Variants in DMXL1 observed in about 807,000 individuals in gnomAD.
DMXL1 encodes Dmx like 1.
In DMXL1, 99 loss-of-function variants were observed where a neutral mutation model predicts 319.2. The observed-to-expected ratio is 0.31, with a 90% confidence interval of 0.26 to 0.37. DMXL1 has a LOEUF of 0.37. Among genes scored for constraint, DMXL1 ranks in the 10% least tolerant of loss-of-function variants. The pLI, the probability that DMXL1 is intolerant of heterozygous loss-of-function variation, is 1.00. For synonymous variants in DMXL1, 1,385 were observed against 1,235.2 expected (o/e 1.12, Z -2.54); for missense variants, 3,745 against 3,595.6 (o/e 1.04, Z -1.06).
chr5:119,155,146 A>G (rs141439293), intron 19 of DMXL1, among the ~76,000 whole-genome samples: 1 of 152,356 alleles, frequency 6.6e-6, no homozygotes, highest in Non-Finnish European at 1.5e-5. Context: ...GGAGATTAAT[A>G]TAGTTTTTAT....
At chr5:119,135,651 TAGTG>T (rs1765820311) in intron 13 of DMXL1, among the ~76,000 whole-genome samples, 1 of 152,122 alleles carries the variant, frequency 6.6e-6, no homozygotes, top group African/African-American at 2.4e-5. Context: ...GTTCTCATGA[TAGTG>T]AGGGAGTTCT....
chr5:119,171,098 T>G lies in DMXL1; in HGVS notation c.6307T>G (p.Leu2103Val). Residue 2103 changes from leucine to valine, a missense_variant, in exon 24 of 44, where the codon TTG (leucine) becomes GTG (valine). Leu to Val is a conservative substitution (Grantham distance 32, BLOSUM62 1). This residue lies in a region of DMXL1 where 1,382 missense variants were observed against 1,269.5 expected (regional missense o/e 1.09). Coordinates refer to ENST00000539542, the MANE Select transcript of DMXL1 (RefSeq NM_001290321.3). ...EFGLNEDAED[L>V]PHQTKVKQLR... is the part of the protein sequence containing the mutation. ...TGGATTAAATGAGGATGCTGAAGAT[T>G]TGCCTCACCAAACAAAAGTGAAACA... The G allele has an allele frequency of 6.2e-7, 1 of 1,613,848 alleles. No homozygotes were observed. Among genetic ancestry groups the G allele is most frequent in the Non-Finnish European group, 8.5e-7 (1 of 1,179,870 alleles).
At chr5:119,231,918 C>T (rs1786804006) in intron 38 of DMXL1, among the ~76,000 whole-genome samples, 1 of 152,140 alleles carries the variant, frequency 6.6e-6, no homozygotes, top group South Asian at 2.1e-4. Context: ...CTCGTATAGG[C>T]ATGCAAGGCC....
intron 43 of DMXL1, among the ~76,000 whole-genome samples, chr5:119,244,939 A>G (rs1021748726): frequency 1.3e-5 from 2 of 152,176 alleles, no homozygotes; most frequent in Admixed American, 1.3e-4. Flanking sequence ...ATTGCTCGCC[A>G]GTTTTTCATA....
intron 5 of DMXL1, 34 bp from the exon 6 acceptor site, chr5:119,114,441 A>C: frequency 6.9e-7 from 1 of 1,457,644 alleles, no homozygotes; most frequent in South Asian, 1.2e-5. Flanking sequence ...TTTAGTTTTC[A>C]TTGCAAATTA....
At chr5:119,183,452 A>G (rs1777126609) in intron 28 of DMXL1, among the ~76,000 whole-genome samples, 1 of 152,184 alleles carries the variant, frequency 6.6e-6, no homozygotes, top group Admixed American at 6.5e-5. Flanking sequence ...AAAGTAACTA[A>G]TTCTGTGGAA....
chr5:119,150,678 G>T (rs1392973427), intron 18 of DMXL1, among the ~76,000 whole-genome samples: 3 of 151,702 alleles, frequency 2.0e-5, no homozygotes, highest in Non-Finnish European at 1.5e-5. Flanking sequence ...TATAGTCCTA[G>T]CTACTCAGGA....
chr5:119,162,942 A>G (rs1424380170), intron 19 of DMXL1, among the ~76,000 whole-genome samples: 1 of 152,186 alleles, frequency 6.6e-6, no homozygotes, highest in East Asian at 1.9e-4. Context: ...TTAGGTTAAA[A>G]ATTTGAGGCC....
intron 9 of DMXL1, among the ~76,000 whole-genome samples, chr5:119,124,491 A>G (rs1179724556): frequency 6.6e-6 from 1 of 151,598 alleles, no homozygotes; most frequent in East Asian, 1.9e-4. Context: ...AGGTCAGTCT[A>G]TTAAGTAAAA....
chr5:119,139,539 A>C (rs1766810627), intron 13 of DMXL1, among the ~76,000 whole-genome samples: 1 of 152,230 alleles, frequency 6.6e-6, no homozygotes, highest in Non-Finnish European at 1.5e-5. Context: ...AGGGCATTAC[A>C]CAATGGTAAA....
chr5:119,194,157 T>C (rs1244065909), intron 30 of DMXL1, among the ~76,000 whole-genome samples, 187 bp downstream of exon 30: 1 of 152,202 alleles, frequency 6.6e-6, no homozygotes, highest in African/African-American at 2.4e-5. Flanking sequence ...TTATAACACA[T>C]TGTAACTCAG....
At chr5:119,234,386 A>G (rs1561936194) in intron 39 of DMXL1, among the ~76,000 whole-genome samples, 1 of 151,868 alleles carries the variant, frequency 6.6e-6, no homozygotes, top group Non-Finnish European at 1.5e-5. Context: ...ACTCTCACAG[A>G]CTCTAACTGA....
At chr5:119,194,378 G>A (rs937646371) in intron 30 of DMXL1, among the ~76,000 whole-genome samples, 5 of 152,148 alleles carry the variant, frequency 3.3e-5, no homozygotes, top group Non-Finnish European at 7.4e-5. Context: ...ACTATAAGAT[G>A]TCAATAGGTA....
intron 1 of DMXL1, among the ~76,000 whole-genome samples, chr5:119,084,308 C>T (rs897875119): frequency 8.6e-5 from 13 of 151,920 alleles, no homozygotes; most frequent in South Asian, 2.1e-4. Context: ...ATAGTAGAGA[C>T]GGGGTTTTGC....
At chr5:119,140,296 A>T (rs1767015777) in intron 13 of DMXL1, among the ~76,000 whole-genome samples, 1 of 152,242 alleles carries the variant, frequency 6.6e-6, no homozygotes, top group African/African-American at 2.4e-5. Flanking sequence ...GGAAATCGAA[A>T]CACAAAATAC....
At chr5:119,239,161 A>G in intron 41 of DMXL1, 81 bp downstream of exon 41, 2 of 1,429,018 alleles carry the variant, frequency 1.4e-6, no homozygotes, top group East Asian at 2.4e-5. Flanking sequence ...GTGTTTGACT[A>G]AAGTTTACTT....
At chr5:119,154,256 C>T (rs1277949170) in intron 19 of DMXL1, among the ~76,000 whole-genome samples, 1 of 152,198 alleles carries the variant, frequency 6.6e-6, no homozygotes, top group Non-Finnish European at 1.5e-5. Context: ...CTAGAAAGGA[C>T]TAAGCTTAGT....
intron 19 of DMXL1, among the ~76,000 whole-genome samples, chr5:119,163,693 A>G (rs983573034): frequency 3.3e-5 from 5 of 152,200 alleles, no homozygotes; most frequent in Admixed American, 6.5e-5. Context: ...GGTTCACGCC[A>G]TTCTCCTGCG....
intron 28 of DMXL1, among the ~76,000 whole-genome samples, chr5:119,187,632 C>T (rs1375721941): frequency 6.6e-6 from 1 of 151,762 alleles, no homozygotes; most frequent in Admixed American, 6.6e-5. Flanking sequence ...GATTTTTTTT[C>T]CTTTGGTCCT....
Sources: gnomAD v4.1 joint callset for allele counts (sites outside exome capture counted in the v4.1 genomes callset) on GRCh38, gnomAD v4.1.1 for gene constraint, gnomAD v4.1.1 regional missense constraint, MANE v1.5 for transcripts, NCBI Gene and HGNC (gene_info 2026-07-23, HGNC 2026-07-21) for gene names.